Variants in SPHKAP observed in about 807,000 individuals in gnomAD.
SPHKAP encodes the protein A-kinase anchor protein SPHKAP.
A neutral mutation model predicts 137.5 loss-of-function variants in SPHKAP; 67 were observed. The observed-to-expected ratio is 0.49, with a 90% confidence interval of 0.40 to 0.60. The LOEUF (loss-of-function observed/expected upper bound fraction) is 0.60, where lower values mean the gene tolerates loss of function less well. Ranked by LOEUF, SPHKAP falls within the 20% of genes least tolerant of loss-of-function variation. The pLI is 0.00. For synonymous variants in SPHKAP, 813 were observed against 785.3 expected (o/e 1.04, Z -0.59); for missense variants, 2,097 against 2,069.3 (o/e 1.01, Z -0.26).
intron 3 of SPHKAP, among the ~76,000 whole-genome samples, chr2:228,054,091 A>G (rs1481152422): frequency 6.6e-6 from 1 of 152,164 alleles, no homozygotes; most frequent in East Asian, 1.9e-4. Context: ...GTGATGGGGA[A>G]AAAGAGTACA....
intron 2 of SPHKAP, among the ~76,000 whole-genome samples, chr2:228,125,395 C>G (rs1384453878): frequency 1.3e-5 from 2 of 152,144 alleles, no homozygotes; most frequent in South Asian, 2.1e-4. Flanking sequence ...TTTCCCTTGT[C>G]TAAAAGATTA....
intron 11 of SPHKAP, among the ~76,000 whole-genome samples, chr2:227,988,600 A>G (rs1693299482): frequency 6.6e-6 from 1 of 152,166 alleles, no homozygotes; most frequent in Admixed American, 6.5e-5. Flanking sequence ...TTGTACAAAC[A>G]TCTATTCCAT....
At chr2:228,071,756 C>T (rs1020888422) in intron 3 of SPHKAP, among the ~76,000 whole-genome samples, 1 of 152,040 alleles carries the variant, frequency 6.6e-6, no homozygotes, top group Non-Finnish European at 1.5e-5. Context: ...CAGCTACAGA[C>T]CTCTATCTAT....
At chr2:228,011,156 G>A (rs1032523258) in intron 7 of SPHKAP, among the ~76,000 whole-genome samples, 6 of 151,906 alleles carry the variant, frequency 3.9e-5, no homozygotes, top group Non-Finnish European at 1.5e-5. Context: ...AATGCATTAG[G>A]GTAAGCTGTG....
chr2:228,086,112 A>G (rs1301436786), intron 3 of SPHKAP, among the ~76,000 whole-genome samples: 1 of 152,168 alleles, frequency 6.6e-6, no homozygotes, highest in African/African-American at 2.4e-5. Flanking sequence ...TCAGGTCTGG[A>G]GTGACAGTAT....
intron 3 of SPHKAP, among the ~76,000 whole-genome samples, chr2:228,046,846 G>C (rs897240897): frequency 9.2e-5 from 14 of 152,164 alleles, no homozygotes; most frequent in African/African-American, 4.8e-5. Flanking sequence ...TGGGCAAGAA[G>C]AGACAACACT....
chr2:228,073,544 C>T (rs569009555), intron 3 of SPHKAP, among the ~76,000 whole-genome samples: 3 of 152,312 alleles, frequency 2.0e-5, no homozygotes, highest in Non-Finnish European at 1.5e-5. Context: ...AATGTACTGC[C>T]TGCCTCTCAG....
chr2:228,165,326 C>T (rs1267562221), intron 1 of SPHKAP, among the ~76,000 whole-genome samples: 1 of 152,052 alleles, frequency 6.6e-6, no homozygotes, highest in African/African-American at 2.4e-5. Context: ...TATGTGCTGT[C>T]TTTTAGACTT....
intron 3 of SPHKAP, among the ~76,000 whole-genome samples, chr2:228,103,035 G>A (rs577134151): frequency 1.2e-4 from 18 of 152,030 alleles, no homozygotes; most frequent in Admixed American, 2.6e-4. Context: ...GTGAGCCACC[G>A]CACCAGGCCC....
Position 228,017,254 on chromosome 2 carries a change from C to A in SPHKAP, c.3600G>T (p.Arg1200Ser). 1 of 1,613,988 alleles carries A rather than the reference C, an allele frequency of 6.2e-7. No individual in the cohort carries two copies. The highest frequency in any genetic ancestry group is 8.5e-7 in the Non-Finnish European group (1 of 1,180,022). ...TTTCTCTGCTGTCTCTTTCGATGTC[C>A]CTCAGCATGTACCTGTAGAACTCCT... ...ITEEFYRYML[R>S]DIERDSRESA... The change falls in exon 7 of 12, where the codon AGG (arginine) becomes AGT (serine). Residue 1200 changes from arginine to serine, a missense_variant. Coordinates refer to ENST00000392056, the MANE Select transcript of SPHKAP (RefSeq NM_001142644.2).
chr2:228,141,730 C>G (rs1184259957), intron 1 of SPHKAP, among the ~76,000 whole-genome samples: 1 of 151,992 alleles, frequency 6.6e-6, no homozygotes. Flanking sequence ...AATTTTATAT[C>G]AATTATCATG....
chr2:228,087,301 G>A (rs1467101345), intron 3 of SPHKAP, among the ~76,000 whole-genome samples: 3 of 152,132 alleles, frequency 2.0e-5, no homozygotes, highest in South Asian at 4.1e-4. Context: ...ACAAGGCCTA[G>A]AGAGAACGGA....
chr2:228,160,769 G>T (rs1700251157), intron 1 of SPHKAP, among the ~76,000 whole-genome samples: 1 of 152,178 alleles, frequency 6.6e-6, no homozygotes, highest in African/African-American at 2.4e-5. Context: ...CTGCATATTT[G>T]TGAGTTAATA....
At chr2:228,050,924 A>G (rs1437470963) in intron 3 of SPHKAP, among the ~76,000 whole-genome samples, 2 of 152,084 alleles carry the variant, frequency 1.3e-5, no homozygotes, top group Non-Finnish European at 2.9e-5. Context: ...CTCCCACCTT[A>G]GCCTCCTCAG....
intron 3 of SPHKAP, among the ~76,000 whole-genome samples, chr2:228,038,587 C>A (rs1015215348): frequency 6.6e-6 from 1 of 152,164 alleles, no homozygotes; most frequent in African/African-American, 2.4e-5. Context: ...CCAAATATGC[C>A]AAATGACCTA....
intron 1 of SPHKAP, among the ~76,000 whole-genome samples, chr2:228,159,090 G>A (rs919014810): frequency 1.3e-5 from 2 of 152,030 alleles, no homozygotes; most frequent in Non-Finnish European, 2.9e-5. Flanking sequence ...TGGACTGTAG[G>A]GTCCATCCTC....
At chr2:228,094,544 A>G (rs1456439529) in intron 3 of SPHKAP, among the ~76,000 whole-genome samples, 1 of 152,222 alleles carries the variant, frequency 6.6e-6, no homozygotes, top group Non-Finnish European at 1.5e-5. Flanking sequence ...AGGATCTGAC[A>G]GATGATTATT....
chr2:228,022,220 G>T, intron 5 of SPHKAP: 1 of 984,976 alleles, frequency 1.0e-6, no homozygotes, highest in Non-Finnish European at 1.2e-6. Context: ...AATTTCCCTT[G>T]GTCAAAGCAA....
At chr2:228,023,790 T>G (rs942237754) in intron 5 of SPHKAP, among the ~76,000 whole-genome samples, 3 of 152,182 alleles carry the variant, frequency 2.0e-5, no homozygotes, top group Non-Finnish European at 2.9e-5. Flanking sequence ...CACACGGAGT[T>G]GATTCACTTC....
Sources: gnomAD v4.1 joint callset for allele counts (sites outside exome capture counted in the v4.1 genomes callset) on GRCh38, gnomAD v4.1.1 for gene constraint, MANE v1.5 for transcripts, NCBI Gene and HGNC (gene_info 2026-07-23, HGNC 2026-07-21) for gene names.